CDR2L: variants seen among roughly 807,000 people sequenced by gnomAD.
CDR2L encodes cerebellar degeneration related protein 2 like.
In CDR2L, 19 loss-of-function variants were observed where a neutral mutation model predicts 36.1. The observed-to-expected ratio is 0.53, with a 90% confidence interval of 0.37 to 0.77. The LOEUF is 0.77. Among genes scored for constraint, CDR2L ranks in the 30% least tolerant of loss-of-function variants. CDR2L has a pLI of 0.00. For missense variants in CDR2L, 575 were observed against 627.2 expected (o/e 0.92, Z 0.89); for synonymous variants, 285 against 280.4 (o/e 1.02, Z -0.16).
chr17:75,001,353 C>A lies in CDR2L; in HGVS notation c.205C>A (p.Gln69Lys). The A allele has an allele frequency of 6.2e-7, 1 of 1,607,362 alleles. No homozygotes were observed. Among genetic ancestry groups the A allele is most frequent in the South Asian group, 1.1e-5 (1 of 89,872 alleles). The change falls in exon 3 of 5, where the codon CAG becomes AAG. Residue 69 changes from glutamine (Q) to lysine (K), a missense_variant. Gln to Lys is a moderately conservative substitution (Grantham distance 53). Transcript: ENST00000337231. Reference protein sequence around the residue: ...QVQEIEYLTKQLDTLRHVNEQ... With the variant: ...QVQEIEYLTKKLDTLRHVNEQ... ...CTTCCACCCCCAGTACCTAACCAAGCAGCTGGACACGCTGCGGCACGTGAA... is the reference window on the plus strand; with the variant it reads ...CTTCCACCCCCAGTACCTAACCAAGAAGCTGGACACGCTGCGGCACGTGAA...
At chr17:74,997,155 T>C (rs1029751343) in intron 1 of CDR2L, among the ~76,000 whole-genome samples, 1 of 149,994 alleles carries the variant, frequency 6.7e-6, no homozygotes, top group Non-Finnish European at 1.5e-5. Context: ...CTCGGCTCAC[T>C]GCAACCTCTG....
At chr17:74,992,001 G>A (rs139963366) in intron 1 of CDR2L, among the ~76,000 whole-genome samples, 97 of 152,278 alleles carry the variant, frequency 6.4e-4, no homozygotes, top group African/African-American at 2.3e-3. Context: ...ACCTGACCCT[G>A]ATTCTGTGGA....
Position 75,001,401 on chromosome 17 carries a change from G to A in CDR2L, c.253G>A (p.Glu85Lys). The A allele has an allele frequency of 6.2e-7, 1 of 1,611,368 alleles. No homozygotes were observed. The highest frequency in any genetic ancestry group is 2.2e-5 in the East Asian group (1 of 44,854). The change falls in exon 3 of 5, where the codon GAG (glutamate) becomes AAG (lysine). Residue 85 changes from glutamate to lysine, a missense_variant. Coordinates refer to ENST00000337231, the MANE Select transcript of CDR2L (RefSeq NM_014603.3). ...HVNEQHAKVY[E>K]QLDLTARDLE... ...GAACGAGCAGCACGCCAAAGTCTATGAGCAGCTGGACCTGACAGCCCGGGA... is the reference window on the plus strand; with the variant it reads ...GAACGAGCAGCACGCCAAAGTCTATAAGCAGCTGGACCTGACAGCCCGGGA...
rs571395821 is a variant in CDR2L at position 75,003,981 on chromosome 17, G to C, written c.1305G>C (p.Glu435Asp). 6.2e-7 allele frequency: 1 copy of C among 1,609,692 alleles called. No individual in the cohort carries two copies. Among genetic ancestry groups the C allele is most frequent in the South Asian group, 1.1e-5 (1 of 90,274 alleles). Reference sequence around the variant, plus strand: ...AGCGGCTGGAACAGAGCCAGCCCGAGTACAAGGCGCTCTTCAAAGAGATCT... The same window carrying C: ...AGCGGCTGGAACAGAGCCAGCCCGACTACAAGGCGCTCTTCAAAGAGATCT... Reference protein sequence around the residue: ...VDKRLEQSQPEYKALFKEIFS... With the variant: ...VDKRLEQSQPDYKALFKEIFS... The change falls in exon 5 of 5, where the codon GAG becomes GAC. Residue 435 changes from glutamate (E) to aspartate (D), a missense_variant. By Grantham distance (45) the Glu-to-Asp change is conservative. Coordinates refer to ENST00000337231, the MANE Select transcript of CDR2L (RefSeq NM_014603.3).
At chr17:74,999,903 A>C (rs2039854728) in intron 2 of CDR2L, among the ~76,000 whole-genome samples, 1 of 152,008 alleles carries the variant, frequency 6.6e-6, no homozygotes, top group Non-Finnish European at 1.5e-5. Context: ...TCAGCGTCCT[A>C]AAGTGCTAGG....
chr17:75,004,013 G>A lies in CDR2L; in HGVS notation c.1337G>A (p.Arg446Lys). 1 of 1,610,830 alleles carries A rather than the reference G, an allele frequency of 6.2e-7. No homozygotes were observed. Among genetic ancestry groups the A allele is most frequent in the East Asian group, 2.2e-5 (1 of 44,770 alleles). The change falls in exon 5 of 5, where the codon AGG (arginine) becomes AAG (lysine). Residue 446 changes from arginine to lysine, a missense_variant. Transcript: ENST00000337231. ...YKALFKEIFS[R>K]IQKTKADINA... ...GCGCTCTTCAAAGAGATCTTCTCCA[G>A]GATCCAGAAGACCAAGGCTGACATC...
chr17:74,991,051 G>A (rs1043573236), intron 1 of CDR2L, among the ~76,000 whole-genome samples: 3 of 152,206 alleles, frequency 2.0e-5, no homozygotes, highest in Non-Finnish European at 4.4e-5. Flanking sequence ...CGTGGGACAA[G>A]TGAGGTCCTA....
Position 75,002,348 on chromosome 17 carries a change from C to T in CDR2L, c.506+120C>T. 1.2e-6 allele frequency: 1 copy of T among 849,290 alleles called. No homozygotes were observed. Among genetic ancestry groups the T allele is most frequent in the Non-Finnish European group, 1.8e-6 (1 of 555,394 alleles). 52.6% of individuals were successfully genotyped at this position (849,290 alleles called of 1,614,324 possible). A position where few individuals can be genotyped will look rare whatever the true frequency, so the allele number is the denominator to read the frequency against. ...GCCATCAGAGAGACTGGTCCTGTTG[C>T]TAATGACAGTCACAGCAGCTGGCGT... On this transcript the variant is annotated intron_variant, in intron 4 of 4. Transcript: ENST00000337231. The surrounding 1 kb of genome is among the most constrained non-coding windows in gnomAD (Gnocchi z 4.1).
intron 2 of CDR2L, among the ~76,000 whole-genome samples, chr17:75,000,376 C>A (rs2039857673): frequency 6.6e-6 from 1 of 150,946 alleles, no homozygotes; most frequent in Non-Finnish European, 1.5e-5. Context: ...GGGCTCACTG[C>A]AGCTCTGCCT....
chr17:74,988,443 AC>A (rs1484555487), intron 1 of CDR2L, among the ~76,000 whole-genome samples: 1 of 152,154 alleles, frequency 6.6e-6, no homozygotes, highest in Admixed American at 6.5e-5. Context: ...TGGTATTGTT[AC>A]GGGGCCTGAG....
rs1034492073 is a variant in CDR2L at position 74,989,670 on chromosome 17, T to C, written c.79+1548T>C. 5.3e-5 allele frequency among the ~76,000 whole-genome samples: 8 copies of C among 152,190 alleles called. No individual in the cohort carries two copies. The highest frequency in any genetic ancestry group is 5.2e-4 in the Admixed American group (8 of 15,288). ...TCTTTTTATTTATTTATTTATTTAT[T>C]TTCAGACAGAGTCTCCCTCTGTCAC... On this transcript the variant is annotated intron_variant, in intron 1 of 4. Coordinates refer to ENST00000337231, the MANE Select transcript of CDR2L (RefSeq NM_014603.3). This position sits in a 1 kb window ranked among gnomAD's most constrained non-coding sequence, Gnocchi z 4.2.
Position 75,003,841 on chromosome 17 carries a change from T to A in CDR2L, c.1165T>A (p.Ser389Thr). 2 of 1,574,810 alleles carry A rather than the reference T, an allele frequency of 1.3e-6. No homozygotes were observed. The highest frequency in any genetic ancestry group is 8.6e-7 in the Non-Finnish European group (1 of 1,161,380). ...AGVRHAGVQT[S>T]RPISRDSSWR... ...AGTGCGGCACGCCGGCGTGCAGACC[T>A]CGCGCCCCATCTCCCGGGACAGCTC... The change falls in exon 5 of 5, where the codon TCG (serine) becomes ACG (threonine). Residue 389 changes from serine (S) to threonine (T), a missense_variant. Physicochemically the swap from Ser to Thr is moderately conservative, Grantham distance 58. Transcript: ENST00000337231.
chr17:75,000,966 G>A (rs1249787538), intron 2 of CDR2L, among the ~76,000 whole-genome samples: 2 of 151,918 alleles, frequency 1.3e-5, no homozygotes, highest in South Asian at 2.1e-4. Flanking sequence ...TGGCGTGGTG[G>A]TGCATGCCTA....
At position 75,004,084 on chromosome 17, in the gene CDR2L, G is replaced by T; in HGVS notation, c.*10G>T. On this transcript the variant is annotated 3_prime_UTR_variant, in exon 5 of 5. Transcript: ENST00000337231. ...GCACAGCAGCAAGTGACCCTTCTCCGGCCTGCAGCCTCCCCCAGGGTGGAA... is the reference window on the plus strand; with the variant it reads ...GCACAGCAGCAAGTGACCCTTCTCCTGCCTGCAGCCTCCCCCAGGGTGGAA... 1 of 1,592,104 alleles carries T rather than the reference G, an allele frequency of 6.3e-7. No homozygotes were observed. The highest frequency in any genetic ancestry group is 8.6e-7 in the Non-Finnish European group (1 of 1,168,384).
chr17:74,992,649 C>T (rs1003644902), intron 1 of CDR2L, among the ~76,000 whole-genome samples: 3 of 152,198 alleles, frequency 2.0e-5, no homozygotes, highest in Non-Finnish European at 2.9e-5. Flanking sequence ...GCAGCTTTGA[C>T]CAGCTTAGCT....
At chr17:74,988,229 G>C in intron 1 of CDR2L, 107 bp downstream of exon 1, 2 of 757,936 alleles carry the variant, frequency 2.6e-6, no homozygotes, top group Non-Finnish European at 3.9e-6. Context: ...GGCTGGACCG[G>C]GCGCGCCCGA....
chr17:75,003,469 C>A lies in CDR2L; in HGVS notation c.793C>A (p.Leu265Met), dbSNP rs866176952. Residue 265 changes from leucine to methionine, a missense_variant, in exon 5 of 5, where the codon CTG (leucine) becomes ATG (methionine). Coordinates refer to ENST00000337231, the MANE Select transcript of CDR2L (RefSeq NM_014603.3). ...GATGAAGCAGGCCAAGACCTACCTA[C>A]TGGGTCCGGACGACCACCTGGCCGA... Reference protein sequence around the residue: ...QQMKQAKTYLLGPDDHLAEAL... With the variant: ...QQMKQAKTYLMGPDDHLAEAL... The A allele has an allele frequency of 6.4e-7, 1 of 1,572,814 alleles. No homozygotes were observed.
Position 75,004,187 on chromosome 17 carries a change from C to T in CDR2L, c.*113C>T, listed in dbSNP as rs553464678. The T allele has an allele frequency of 4.4e-6, 4 of 904,038 alleles. No homozygotes were observed. The highest frequency in any genetic ancestry group is 2.9e-5 in the Admixed American group (1 of 34,548). 56.0% of individuals were successfully genotyped at this position (904,038 alleles called of 1,614,324 possible). ...TTTAGCGGCCTGCCACCACAGCACG[C>T]GGCCTCCTGATCCGGAAGCACGCAG... On this transcript the variant is annotated 3_prime_UTR_variant, in exon 5 of 5. Transcript: ENST00000337231.
chr17:74,997,937 A>C (rs1397437166), intron 1 of CDR2L, among the ~76,000 whole-genome samples: 10 of 148,136 alleles, frequency 6.8e-5, no homozygotes, highest in Admixed American at 2.0e-4. Context: ...AAAAAAAAAA[A>C]GTACCGGGCA....
Sources: gnomAD v4.1 joint callset for allele counts (sites outside exome capture counted in the v4.1 genomes callset) on GRCh38, gnomAD v4.1.1 for gene constraint, Gnocchi (gnomAD v3.1) non-coding constraint, MANE v1.5 for transcripts, NCBI Gene and HGNC (gene_info 2026-07-23, HGNC 2026-07-21) for gene names.